Variants in XDH observed in about 807,000 individuals in gnomAD.
XDH encodes xanthine dehydrogenase/oxidase.
A neutral mutation model predicts 156.1 loss-of-function variants in XDH; 138 were observed. The ratio of observed to expected loss-of-function variants is 0.88; its 90% confidence interval spans 0.77 to 1.02. XDH has a LOEUF of 1.02. Among genes scored for constraint, XDH ranks in the 50% least tolerant of loss-of-function variants. The pLI, the probability that XDH is intolerant of heterozygous loss-of-function variation, is 0.00. For synonymous variants in XDH, 669 were observed against 625.7 expected, an observed-to-expected ratio of 1.07 and a Z score of -1.03; for missense variants, 1,849 against 1,684.9, an observed-to-expected ratio of 1.10 and a Z score of -1.71.
rs1685335731 is a variant in XDH at position 31,347,592 on chromosome 2, G to C, written c.3206C>G (p.Thr1069Ser). 1 of 1,614,188 alleles carries C rather than the reference G, an allele frequency of 6.2e-7. No individual in the cohort carries two copies. Among genetic ancestry groups the C allele is most frequent in the Admixed American group, 1.7e-5 (1 of 60,028 alleles). ...TSKIYISETS[T>S]NTVPNTSPTA... ...GGGAGAGGTGTTGGGCACAGTGTTA[G>C]TGCTTGTCTCGCTGATATAAATCTT... Residue 1069 changes from threonine to serine, a missense_variant, in exon 29 of 36, where the codon ACT becomes AGT. By Grantham distance (58) the Thr-to-Ser change is moderately conservative (BLOSUM62 1). Transcript: ENST00000379416.
intron 9 of XDH, among the ~76,000 whole-genome samples, chr2:31,384,659 C>T (rs982100747): frequency 2.0e-5 from 3 of 152,160 alleles, no homozygotes; most frequent in Non-Finnish European, 2.9e-5. Context: ...AAAAGAAATA[C>T]CTGTGACCTC....
At position 31,372,287 on chromosome 2, in the gene XDH, G is replaced by A. The variant is rs1686094202; in HGVS notation, c.1797C>T (p.Arg599=). The change falls in exon 17 of 36, where the codon CGC becomes CGT. Residue 599 remains arginine (R), a synonymous_variant. Transcript: ENST00000379416. ...GEAVYCDDIP[R]YENELSLRLV... ...GCCGGAGAGACAGCTCATTCTCGTA[G>A]CGAGGAATGTCGTCACAGTACACGG... 1.9e-6 allele frequency: 3 copies of A among 1,614,242 alleles called. No homozygotes were observed. Among genetic ancestry groups the A allele is most frequent in the Non-Finnish European group, 1.7e-6 (2 of 1,180,044 alleles).
intron 30 of XDH, among the ~76,000 whole-genome samples, chr2:31,346,231 C>T (rs1309900753): frequency 1.3e-5 from 2 of 152,138 alleles, no homozygotes; most frequent in Non-Finnish European, 2.9e-5. Context: ...ACATTCAGGC[C>T]ACTGGTCTAG....
At chr2:31,336,449 G>A (rs901626251) in intron 35 of XDH, among the ~76,000 whole-genome samples, 3 of 152,038 alleles carry the variant, frequency 2.0e-5, no homozygotes, top group African/African-American at 7.2e-5. Flanking sequence ...CAAAGAGCTC[G>A]CCTTGCAAAC....
intron 24 of XDH, among the ~76,000 whole-genome samples, chr2:31,351,366 C>T (rs964625387): frequency 2.0e-5 from 3 of 152,102 alleles, no homozygotes; most frequent in African/African-American, 7.2e-5. Flanking sequence ...AAAATCTGCT[C>T]CTAATATATT....
Position 31,383,737 on chromosome 2 carries a change from G to C in XDH, c.886+18C>G, listed in dbSNP as rs368811333. 2.5e-6 allele frequency: 4 copies of C among 1,611,630 alleles called. No individual in the cohort carries two copies. The highest frequency in any genetic ancestry group is 2.2e-5 in the East Asian group (1 of 44,862). On this transcript the variant is annotated intron_variant, in intron 10 of 35. Coordinates refer to ENST00000379416, the MANE Select transcript of XDH (RefSeq NM_000379.4). ...GCCTCACAGCCCCTCCATAAGCTTG[G>C]AGTGAACCTCCTCTTACCGTCGGGT...
At chr2:31,386,601 G>C in intron 8 of XDH, 46 bp from the exon 9 acceptor site, 1 of 1,612,752 alleles carries the variant, frequency 6.2e-7, no homozygotes, top group Non-Finnish European at 8.5e-7. Flanking sequence ...TCTTCCTACT[G>C]TCATTCCTCT....
At chr2:31,339,790 A>G (rs1572507797) in intron 33 of XDH, 113 bp from the exon 34 acceptor site, 1 of 1,355,638 alleles carries the variant, frequency 7.4e-7, no homozygotes. Context: ...GAATGTAGCT[A>G]AAACTGCCCT....
At chr2:31,349,913 A>AC in intron 25 of XDH, 82 bp from the exon 26 acceptor site, 1 of 1,611,562 alleles carries the variant, frequency 6.2e-7, no homozygotes, top group Non-Finnish European at 8.5e-7. Context: ...TAAGCTTCCA[A>AC]CCCCCTCAGC....
At chr2:31,376,046 T>A (rs952950368) in intron 14 of XDH, among the ~76,000 whole-genome samples, 3 of 152,164 alleles carry the variant, frequency 2.0e-5, no homozygotes, top group Non-Finnish European at 4.4e-5. Flanking sequence ...TTTCCTAGGA[T>A]AATGTTAGTG....
intron 16 of XDH, 98 bp downstream of exon 16, chr2:31,373,775 A>G: frequency 8.2e-7 from 1 of 1,215,726 alleles, no homozygotes; most frequent in East Asian, 2.5e-5. Context: ...ATGGACCTAT[A>G]TACAATTCAA....
At chr2:31,388,131 T>C (rs987798109) in intron 7 of XDH, 96 bp downstream of exon 7, 3 of 1,430,920 alleles carry the variant, frequency 2.1e-6, no homozygotes, top group African/African-American at 2.8e-5. Flanking sequence ...TAGGTTCCTC[T>C]TCCAGCCCCC....
chr2:31,345,430 T>C (rs1352612852), intron 30 of XDH, among the ~76,000 whole-genome samples: 2 of 152,202 alleles, frequency 1.3e-5, no homozygotes, highest in African/African-American at 4.8e-5. Flanking sequence ...GCTTTTTTGG[T>C]ATCCCCAAAC....
intron 6 of XDH, among the ~76,000 whole-genome samples, chr2:31,390,740 T>G (rs565285512): frequency 2.6e-5 from 4 of 152,202 alleles, no homozygotes; most frequent in Non-Finnish European, 5.9e-5. Context: ...TTCTTTCAAT[T>G]TGCAATTCCC....
intron 24 of XDH, among the ~76,000 whole-genome samples, chr2:31,357,557 G>C: frequency 6.6e-6 from 1 of 152,156 alleles, no homozygotes; most frequent in South Asian, 2.1e-4. Flanking sequence ...GGGGAGGGTA[G>C]GGGGACAGAG....
chr2:31,401,470 G>A (rs1687059280), intron 3 of XDH, 142 bp from the exon 4 acceptor site: 3 of 892,398 alleles, frequency 3.4e-6, no homozygotes, highest in Middle Eastern at 2.1e-4. Flanking sequence ...TTCTACCAGT[G>A]TCCTCACCTC....
At chr2:31,364,367 C>A in intron 23 of XDH, 123 bp from the exon 24 acceptor site, 1 of 1,018,570 alleles carries the variant, frequency 9.8e-7, no homozygotes, top group Non-Finnish European at 1.5e-6. Context: ...CCACATCATC[C>A]CGTGAAAAAA....
At chr2:31,338,359 A>T (rs1464305160) in intron 34 of XDH, among the ~76,000 whole-genome samples, 1 of 152,210 alleles carries the variant, frequency 6.6e-6, no homozygotes, top group Non-Finnish European at 1.5e-5. Context: ...ATCACTAAAG[A>T]TACTTGCTGA....
At chr2:31,408,416 TG>T (rs756029639) in intron 1 of XDH, among the ~76,000 whole-genome samples, 4 of 152,212 alleles carry the variant, frequency 2.6e-5, no homozygotes, top group Admixed American at 6.5e-5. Context: ...AGGATACCAA[TG>T]GGTATCCCAA....
Sources: allele counts gnomAD v4.1 joint callset (sites outside exome capture counted in the v4.1 genomes callset), GRCh38; gene constraint gnomAD v4.1.1; transcripts MANE v1.5; gene names NCBI Gene and HGNC (gene_info 2026-07-23, HGNC 2026-07-21).